The following ARHGAP6 variants were observed in gnomAD, a reference collection of about 807,000 sequenced individuals.
The protein encoded by ARHGAP6 is Rho GTPase activating protein 6, also known as rho GTPase-activating protein 6.
A neutral mutation model predicts 55.7 loss-of-function variants in ARHGAP6; 16 were observed. The ratio of observed to expected loss-of-function variants is 0.29; its 90% CI spans 0.19 to 0.44. The LOEUF is 0.44. Among genes scored for constraint, ARHGAP6 ranks in the 20% least tolerant of loss-of-function variants. ARHGAP6 has a pLI of 1.00. For synonymous variants in ARHGAP6, 382 were observed against 360.9 expected, an observed-to-expected ratio of 1.06 and a Z score of -0.66; for missense variants, 698 against 808.9, an observed-to-expected ratio of 0.86 and a Z score of 1.66.
intron 1 of ARHGAP6, among the ~76,000 whole-genome samples, chrX:11,624,708 C>T (rs1278270847): frequency 3.6e-5 from 4 of 111,756 alleles, no homozygotes; most frequent in African/African-American, 6.5e-5. Flanking sequence ...CCCACCACCA[C>T]GCCTGGCTAA....
At chrX:11,552,600 A>G (rs1490394732) in intron 1 of ARHGAP6, among the ~76,000 whole-genome samples, 45 of 62,557 alleles carry the variant, frequency 7.2e-4, no homozygotes, top group African/African-American at 2.4e-3. Context: ...ATATATATAT[A>G]GACACACACA....
intron 2 of ARHGAP6, among the ~76,000 whole-genome samples, chrX:11,219,376 G>A (rs1159714804): frequency 9.8e-6 from 1 of 101,709 alleles, no homozygotes; most frequent in African/African-American, 3.7e-5. Context: ...ATAACAGCAT[G>A]ATTTATAGTC....
chrX:11,582,797 ATAAT>A (rs1440160723), intron 1 of ARHGAP6, among the ~76,000 whole-genome samples: 7 of 111,629 alleles, frequency 6.3e-5, no homozygotes, highest in African/African-American at 2.3e-4. Context: ...AATAGACATG[ATAAT>A]TAGTTTGATT....
At chrX:11,346,822 A>G (rs73496987) in intron 1 of ARHGAP6, among the ~76,000 whole-genome samples, 6,486 of 111,883 alleles carry the variant, frequency 0.058, 205 homozygotes, top group African/African-American at 0.12. Context: ...TTTCTCAATG[A>G]CTTTTATAGT....
chrX:11,335,157 C>A, intron 1 of ARHGAP6: 1 of 141,965 alleles, frequency 7.0e-6, no homozygotes, highest in South Asian at 2.2e-4. Context: ...CTCTTCTCAC[C>A]CAAGGCTGGT....
At position 11,217,254 on chromosome X, in the gene ARHGAP6, C is replaced by T. The variant is rs752232191; in HGVS notation, c.749-20258G>A. On this transcript the variant is annotated intron_variant, in intron 2 of 12. Transcript: ENST00000337414. ...CCAGTAATGGGATTGCTGGGTCAAACGGTATTCTGATTCTGGATCCTTGAG... is the reference window on the plus strand; with the variant it reads ...CCAGTAATGGGATTGCTGGGTCAAATGGTATTCTGATTCTGGATCCTTGAG... Among the ~76,000 whole-genome samples, 7 of 111,548 alleles carry T rather than the reference C, an allele frequency of 6.3e-5. No homozygotes were observed. The South Asian group carries it at 1.1e-3, about 18-fold the overall frequency.
At chrX:11,295,999 C>T (rs1481356787) in intron 1 of ARHGAP6, among the ~76,000 whole-genome samples, 2 of 112,069 alleles carry the variant, frequency 1.8e-5, no homozygotes, top group African/African-American at 6.5e-5. Flanking sequence ...AGTCCTGATT[C>T]AGATCATCAT....
intron 1 of ARHGAP6, among the ~76,000 whole-genome samples, chrX:11,592,454 G>A (rs2051847019): frequency 9.0e-6 from 1 of 111,651 alleles, no homozygotes; most frequent in South Asian, 3.8e-4. Context: ...GGTACAAGGA[G>A]GCATGAGAAT....
chrX:11,179,769 T>C (rs185741758), intron 6 of ARHGAP6, among the ~76,000 whole-genome samples: 375 of 102,058 alleles, frequency 3.7e-3, no homozygotes, highest in Non-Finnish European at 5.2e-3. Context: ...TGTATACATA[T>C]ATATATATAT....
At chrX:11,148,764 C>A in intron 10 of ARHGAP6, 1 of 354,208 alleles carries the variant, frequency 2.8e-6, no homozygotes, top group East Asian at 7.9e-5. Context: ...GGATGGGGCC[C>A]GCCCAGCACC....
At chrX:11,487,773 T>C (rs2050525996) in intron 1 of ARHGAP6, among the ~76,000 whole-genome samples, 1 of 111,597 alleles carries the variant, frequency 9.0e-6, no homozygotes, top group Non-Finnish European at 1.9e-5. Context: ...CATGAGTCCA[T>C]GGTGATATAA....
intron 1 of ARHGAP6, among the ~76,000 whole-genome samples, chrX:11,437,751 A>G (rs1479278175): frequency 8.9e-6 from 1 of 112,217 alleles, no homozygotes; most frequent in African/African-American, 3.2e-5. Context: ...AGGGTGATGT[A>G]AACTCCCAGG....
At chrX:11,143,941 C>T (rs760199905) in intron 11 of ARHGAP6, 39 bp downstream of exon 11, 15 of 1,210,287 alleles carry the variant, frequency 1.2e-5, no homozygotes, top group South Asian at 3.5e-5. Flanking sequence ...AGGAGGGTCG[C>T]TTGTTTTGGC....
At chrX:11,596,877 T>A (rs1179122998) in intron 1 of ARHGAP6, among the ~76,000 whole-genome samples, 2 of 112,242 alleles carry the variant, frequency 1.8e-5, no homozygotes, top group Non-Finnish European at 3.8e-5. Flanking sequence ...CATGTAATTA[T>A]TTTTTGTTAA....
chrX:11,236,939 G>A (rs2047210668), intron 2 of ARHGAP6, among the ~76,000 whole-genome samples: 2 of 112,279 alleles, frequency 1.8e-5, no homozygotes, highest in Admixed American at 1.9e-4. Flanking sequence ...ATGGTTCAGG[G>A]CTCTCCTATC....
rs1453095066 is a variant in ARHGAP6, at chrX:11,658,221, CTT to C, written c.588+6018_588+6019del. Among the ~76,000 whole-genome samples the C allele has an allele frequency of 2.7e-5, 3 of 111,547 alleles. No individual in the cohort carries two copies. The Admixed American group carries it at 2.9e-4, about 11-fold the overall frequency. On this transcript the variant is annotated intron_variant, in intron 1 of 12. Transcript: ENST00000337414. Reference sequence around the variant, plus strand: ...ACCCAAGGTTCTTTCTGAGTCTAAACTTTGCTCTTCCCAACCCTCAAATCTCA... The same window carrying C: ...ACCCAAGGTTCTTTCTGAGTCTAAACTGCTCTTCCCAACCCTCAAATCTCA...
At chrX:11,516,714 GAAACATATTTTGTATGTTTTTA>G (rs767139391) in intron 1 of ARHGAP6, among the ~76,000 whole-genome samples, 76 of 111,940 alleles carry the variant, frequency 6.8e-4, no homozygotes, top group South Asian at 2.2e-3. Context: ...TATTTCTTTT[GAAACATATTTTGTATGTTTTTA>G]AAACATATTT....
At chrX:11,237,928 C>T (rs997532217) in intron 2 of ARHGAP6, among the ~76,000 whole-genome samples, 7 of 111,567 alleles carry the variant, frequency 6.3e-5, no homozygotes, top group African/African-American at 2.0e-4. Context: ...TCCTGTGCTT[C>T]GTAGGATGTT....
At chrX:11,399,564 T>C (rs2049522588) in intron 1 of ARHGAP6, among the ~76,000 whole-genome samples, 1 of 111,206 alleles carries the variant, frequency 9.0e-6, no homozygotes, top group South Asian at 3.7e-4. Flanking sequence ...TGTATTAAGA[T>C]TGGTGCAAAA....
Sources: allele counts gnomAD v4.1 joint callset (sites outside exome capture counted in the v4.1 genomes callset), GRCh38; gene constraint gnomAD v4.1.1; transcripts MANE v1.5; gene names NCBI Gene and HGNC (gene_info 2026-07-23, HGNC 2026-07-21).